RBMS1: variants seen among roughly 807,000 people sequenced by gnomAD.
RBMS1 encodes the protein RNA binding motif single stranded interacting protein 1, also known as RNA-binding motif, single-stranded-interacting protein 1.
A neutral mutation model predicts 62.3 loss-of-function variants in RBMS1; 17 were observed. The observed-to-expected ratio is 0.27, with a 90% CI of 0.19 to 0.41. RBMS1 has a LOEUF of 0.41. RBMS1 is among the 10% of genes least tolerant of loss of function. The probability of loss-of-function intolerance (pLI) is 1.00; values close to 1 mark genes in which losing one functional copy is unlikely to be tolerated. For missense variants in RBMS1, 334 were observed against 504.5 expected (o/e 0.66, Z 3.24); for synonymous variants, 172 against 170.0 (o/e 1.01, Z -0.09).
intron 2 of RBMS1, among the ~76,000 whole-genome samples, chr2:160,329,563 G>C (rs927925052): frequency 6.6e-6 from 1 of 152,054 alleles, no homozygotes; most frequent in Non-Finnish European, 1.5e-5. Flanking sequence ...GAAAATCAGA[G>C]AGGAATTATC....
At chr2:160,307,643 G>A (rs1396204875) in intron 4 of RBMS1, among the ~76,000 whole-genome samples, 1 of 152,210 alleles carries the variant, frequency 6.6e-6, no homozygotes, top group Non-Finnish European at 1.5e-5. Context: ...AGGCCATTAG[G>A]TTAAGTTTCA....
At chr2:160,359,747 C>T (rs1262196067) in intron 2 of RBMS1, among the ~76,000 whole-genome samples, 1 of 151,728 alleles carries the variant, frequency 6.6e-6, no homozygotes, top group African/African-American at 2.4e-5. Context: ...CAAATTTTAC[C>T]CTAAAGGTAG....
chr2:160,406,715 C>A (rs60113421), intron 1 of RBMS1, among the ~76,000 whole-genome samples: 6,801 of 152,214 alleles, frequency 0.045, 311 homozygotes, highest in African/African-American at 0.12. Flanking sequence ...CTTTTAAAAA[C>A]AAAGATGAAA....
At chr2:160,287,190 T>C (rs1688444744) in intron 6 of RBMS1, 106 bp from the exon 7 acceptor site, 24 of 1,460,272 alleles carry the variant, frequency 1.6e-5, no homozygotes, top group Non-Finnish European at 2.1e-5. Flanking sequence ...AGAAAATTCA[T>C]ACAACACTTT....
intron 1 of RBMS1, among the ~76,000 whole-genome samples, chr2:160,450,986 C>A (rs1009418799): frequency 6.6e-6 from 1 of 151,994 alleles, no homozygotes; most frequent in African/African-American, 2.4e-5. Flanking sequence ...GAGACCCCAT[C>A]TCTACAAAAA....
At chr2:160,465,888 A>ACACACACACACACT (rs569580064) in intron 1 of RBMS1, among the ~76,000 whole-genome samples, 4,566 of 145,234 alleles carry the variant, frequency 0.031, 92 homozygotes, top group Non-Finnish European at 0.04. Flanking sequence ...ACACACACAC[A>ACACACACACACACT]CTCTCACATT....
intron 1 of RBMS1, among the ~76,000 whole-genome samples, chr2:160,459,838 G>C (rs959292833): frequency 6.6e-6 from 1 of 152,156 alleles, no homozygotes; most frequent in Non-Finnish European, 1.5e-5. Context: ...TAAGAGATCA[G>C]TTCATCAATA....
chr2:160,420,632 C>G (rs930269615), intron 1 of RBMS1, among the ~76,000 whole-genome samples: 2 of 152,168 alleles, frequency 1.3e-5, no homozygotes, highest in Non-Finnish European at 2.9e-5. Context: ...TAGTTCTCGG[C>G]CTCCTTTCCA....
At chr2:160,419,342 G>T (rs1469112083) in intron 1 of RBMS1, among the ~76,000 whole-genome samples, 1 of 152,004 alleles carries the variant, frequency 6.6e-6, no homozygotes, top group Non-Finnish European at 1.5e-5. Flanking sequence ...ATGCCTGTTT[G>T]GCCCTTTATT....
chr2:160,285,273 G>A (rs1366107445), intron 7 of RBMS1, among the ~76,000 whole-genome samples: 4 of 151,894 alleles, frequency 2.6e-5, no homozygotes, highest in African/African-American at 9.7e-5. Flanking sequence ...AAAAAAAAGG[G>A]GAGGGAGGGG....
At chr2:160,418,824 T>G (rs758321762) in intron 1 of RBMS1, among the ~76,000 whole-genome samples, 19 of 152,204 alleles carry the variant, frequency 1.2e-4, no homozygotes, top group Non-Finnish European at 2.8e-4. Flanking sequence ...ACCTTGAAAG[T>G]CATCTAATAA....
chr2:160,375,798 T>C (rs938862252), intron 1 of RBMS1, among the ~76,000 whole-genome samples: 1 of 152,070 alleles, frequency 6.6e-6, no homozygotes, highest in Non-Finnish European at 1.5e-5. Flanking sequence ...TTCCTCCTCC[T>C]TGAATTTCCA....
chr2:160,486,246 A>T (rs919695553), intron 1 of RBMS1, among the ~76,000 whole-genome samples: 3 of 152,174 alleles, frequency 2.0e-5, no homozygotes, highest in Non-Finnish European at 4.4e-5. Flanking sequence ...CTCATAATAT[A>T]AAATTCTGTT....
intron 9 of RBMS1, chr2:160,283,104 T>C (rs1328151067): frequency 6.6e-6 from 1 of 152,242 alleles, no homozygotes; most frequent in African/African-American, 2.4e-5. Context: ...GCACACTGGT[T>C]TTATATTATA....
chr2:160,285,083 A>C (rs1279002373), intron 7 of RBMS1, 39 bp from the exon 8 acceptor site: 1 of 1,581,630 alleles, frequency 6.3e-7, no homozygotes, highest in East Asian at 2.2e-5. Flanking sequence ...TTCATCTAGA[A>C]AGGCATGATT....
intron 3 of RBMS1, 39 bp downstream of exon 3, chr2:160,318,130 A>C: frequency 6.4e-7 from 1 of 1,573,018 alleles, no homozygotes. Flanking sequence ...CATTTTTCTA[A>C]AGCTATCATT....
At chr2:160,320,616 T>C (rs1465035460) in intron 2 of RBMS1, among the ~76,000 whole-genome samples, 1 of 152,098 alleles carries the variant, frequency 6.6e-6, no homozygotes, top group Non-Finnish European at 1.5e-5. Context: ...GAACTGGTTG[T>C]GCAAAGAGCC....
At chr2:160,484,847 G>A (rs1685530259) in intron 1 of RBMS1, among the ~76,000 whole-genome samples, 1 of 147,702 alleles carries the variant, frequency 6.8e-6, no homozygotes, top group South Asian at 2.1e-4. Context: ...CCCCAGCCTG[G>A]GCGACAGAGC....
At chr2:160,303,209 A>G in intron 5 of RBMS1, 121 bp downstream of exon 5, 1 of 989,682 alleles carries the variant, frequency 1.0e-6, no homozygotes, top group Non-Finnish European at 1.4e-6. Flanking sequence ...ATTTAAGTTC[A>G]CAGTGCAACT....
Sources: allele counts gnomAD v4.1 joint callset (sites outside exome capture counted in the v4.1 genomes callset), GRCh38; gene constraint gnomAD v4.1.1; transcripts MANE v1.5; gene names NCBI Gene and HGNC (gene_info 2026-07-23, HGNC 2026-07-21).